Variants in RAD51B observed in about 807,000 individuals in gnomAD.
RAD51B encodes the protein DNA repair protein RAD51 homolog 2.
Under a neutral mutation model 42.2 loss-of-function variants are expected in RAD51B, and 38 were observed. The observed-to-expected ratio is 0.90, with a 90% confidence interval of 0.70 to 1.18. The LOEUF is 1.18. Ranked by LOEUF, RAD51B falls within the 50% of genes most tolerant of loss-of-function variation. The pLI, the probability that RAD51B is intolerant of heterozygous loss-of-function variation, is 0.00. For synonymous variants in RAD51B, 154 were observed against 145.2 expected (o/e 1.06, Z -0.43); for missense variants, 373 against 400.7 (o/e 0.93, Z 0.59).
At chr14:68,315,769 G>A (rs186463036) in intron 8 of RAD51B, among the ~76,000 whole-genome samples, 2 of 152,198 alleles carry the variant, frequency 1.3e-5, no homozygotes, top group Non-Finnish European at 2.9e-5. Flanking sequence ...TGATCTGCCC[G>A]CCTTGGCCTC....
intron 10 of RAD51B, among the ~76,000 whole-genome samples, chr14:68,621,919 G>A (rs1034572650): frequency 2.6e-5 from 4 of 152,196 alleles, no homozygotes; most frequent in East Asian, 1.9e-4. Context: ...CAGCCCCAAC[G>A]CCACTCCCCT....
At chr14:67,932,267 T>G (rs2044766552) in intron 7 of RAD51B, among the ~76,000 whole-genome samples, 1 of 152,250 alleles carries the variant, frequency 6.6e-6, no homozygotes, top group Admixed American at 6.5e-5. Flanking sequence ...CTCTTTGGCT[T>G]TGATTCTGGG....
At chr14:67,844,192 A>C (rs1345468880) in intron 4 of RAD51B, among the ~76,000 whole-genome samples, 1 of 146,266 alleles carries the variant, frequency 6.8e-6, no homozygotes, top group South Asian at 2.1e-4. Flanking sequence ...TTCTATTTTT[A>C]TTGTGTTATG....
chr14:68,029,792 C>T lies in RAD51B; in HGVS notation c.756+142588C>T, dbSNP rs141882164. Among the ~76,000 whole-genome samples the T allele has an allele frequency of 2.9e-4, 44 of 152,302 alleles. 1 individual carries two copies. In the East Asian group the frequency reaches 8.1e-3, roughly 28 times the overall value. On this transcript the variant is annotated intron_variant, in intron 7 of 10. Coordinates refer to ENST00000471583, the MANE Select transcript of RAD51B (RefSeq NM_133510.4). ...ATTTGCTGTACCCAGATCCATCAGACGAATCCGTATCTGTGGCACTTACAG... is the reference window on the plus strand; with the variant it reads ...ATTTGCTGTACCCAGATCCATCAGATGAATCCGTATCTGTGGCACTTACAG...
intron 7 of RAD51B, among the ~76,000 whole-genome samples, chr14:68,259,436 A>G (rs992702146): frequency 6.6e-5 from 10 of 152,248 alleles, no homozygotes; most frequent in East Asian, 1.9e-4. Context: ...ATGTACCCTA[A>G]AACTTAAAGT....
intron 10 of RAD51B, chr14:68,540,785 G>A: frequency 1.0e-6 from 1 of 985,392 alleles, no homozygotes; most frequent in Non-Finnish European, 1.2e-6. Context: ...CCAAGGTTGA[G>A]TAGAATTTCA....
intron 7 of RAD51B, among the ~76,000 whole-genome samples, chr14:68,034,585 C>T (rs1470424994): frequency 6.6e-6 from 1 of 152,052 alleles, no homozygotes; most frequent in African/African-American, 2.4e-5. Flanking sequence ...TCTTCTTAAG[C>T]CTACAATAAG....
intron 7 of RAD51B, among the ~76,000 whole-genome samples, chr14:68,090,054 T>C (rs2077063650): frequency 6.6e-6 from 1 of 152,206 alleles, no homozygotes; most frequent in Non-Finnish European, 1.5e-5. Context: ...TTTCTGGTTT[T>C]CCAGAGTGGC....
At chr14:68,243,004 AGGAG>A (rs1160308210) in intron 7 of RAD51B, among the ~76,000 whole-genome samples, 1 of 152,212 alleles carries the variant, frequency 6.6e-6, no homozygotes, top group African/African-American at 2.4e-5. Context: ...GCTTCCTTGA[AGGAG>A]GCTCTTGGCA....
chr14:67,863,776 C>G (rs1178935561), intron 4 of RAD51B, among the ~76,000 whole-genome samples: 2 of 152,132 alleles, frequency 1.3e-5, no homozygotes, highest in African/African-American at 4.8e-5. Flanking sequence ...TAAACATTTT[C>G]AAATTAATTT....
chr14:68,601,175 C>T (rs1366186248), intron 10 of RAD51B, among the ~76,000 whole-genome samples: 2 of 152,150 alleles, frequency 1.3e-5, no homozygotes, highest in Non-Finnish European at 2.9e-5. Flanking sequence ...CTTGCGGCCA[C>T]TCTCTGAAGC....
At chr14:67,849,747 T>A (rs1190222889) in intron 4 of RAD51B, among the ~76,000 whole-genome samples, 1 of 152,234 alleles carries the variant, frequency 6.6e-6, no homozygotes, top group Non-Finnish European at 1.5e-5. Flanking sequence ...CTTTTTAAGA[T>A]GTTTATCTCC....
intron 10 of RAD51B, among the ~76,000 whole-genome samples, chr14:68,608,805 C>G (rs994557020): frequency 1.3e-5 from 2 of 152,164 alleles, no homozygotes; most frequent in African/African-American, 4.8e-5. Flanking sequence ...GAGGGCTGTC[C>G]ACAGCAGTTT....
intron 7 of RAD51B, among the ~76,000 whole-genome samples, chr14:68,166,510 A>G (rs2078757207): frequency 6.6e-6 from 1 of 152,154 alleles, no homozygotes; most frequent in South Asian, 2.1e-4. Flanking sequence ...TATCTGTACC[A>G]AATTTTCAAT....
At position 68,286,131 on chromosome 14, in the gene RAD51B, C is replaced by T. The variant is rs545743408; in HGVS notation, c.757-5753C>T. 4.3e-3 allele frequency among the ~76,000 whole-genome samples: 651 copies of T among 152,310 alleles called. 2 individuals are homozygous for T. Among genetic ancestry groups the T allele is most frequent in the Non-Finnish European group, 6.8e-3 (466 of 68,030 alleles). ...TGACATTAAGGCCTGGAGAAGTCAC[C>T]TGTCAGTAGATCTGAGCTGAGAGTT... On this transcript the variant is annotated intron_variant, in intron 7 of 10. Coordinates refer to ENST00000471583, the MANE Select transcript of RAD51B (RefSeq NM_133510.4).
chr14:68,163,789 A>T (rs981080953), intron 7 of RAD51B, among the ~76,000 whole-genome samples: 1 of 152,176 alleles, frequency 6.6e-6, no homozygotes, highest in Non-Finnish European at 1.5e-5. Context: ...ATAGAATTCA[A>T]TTTGCAGTTT....
At chr14:67,990,158 C>T (rs778063662) in intron 7 of RAD51B, among the ~76,000 whole-genome samples, 3 of 151,960 alleles carry the variant, frequency 2.0e-5, no homozygotes, top group African/African-American at 2.4e-5. Context: ...CCACCATGAC[C>T]AGCTAATTGT....
intron 7 of RAD51B, among the ~76,000 whole-genome samples, chr14:68,253,080 C>CA (rs750026666): frequency 0.058 from 6,326 of 108,482 alleles, 414 homozygotes; most frequent in African/African-American, 0.18. Context: ...AGGACTCCGT[C>CA]AAAAAAAAAA....
chr14:67,873,579 A>C lies in RAD51B; in HGVS notation c.452+8440A>C, dbSNP rs928343644. Among the ~76,000 whole-genome samples, 11 of 152,028 alleles carry C rather than the reference A, an allele frequency of 7.2e-5. No homozygotes were observed. The East Asian group carries it at 7.7e-4, about 11-fold the overall frequency. ...GAAATACCATTTGACCCAGCCATCC[A>C]ATTACTGGGTATATACCCAAGGGAC... On this transcript the variant is annotated intron_variant, in intron 5 of 10. Coordinates refer to ENST00000471583, the MANE Select transcript of RAD51B (RefSeq NM_133510.4).
Sources: allele counts gnomAD v4.1 joint callset (sites outside exome capture counted in the v4.1 genomes callset), GRCh38; gene constraint gnomAD v4.1.1; transcripts MANE v1.5; gene names NCBI Gene and HGNC (gene_info 2026-07-23, HGNC 2026-07-21).